The following ITGB1 variants were observed in gnomAD, a reference collection of about 807,000 sequenced individuals.
ITGB1 encodes the protein integrin subunit beta 1.
Under a neutral mutation model 86.5 loss-of-function variants are expected in ITGB1, and 24 were observed. The ratio of observed to expected loss-of-function variants is 0.28; its 90% confidence interval spans 0.20 to 0.39. ITGB1 has a LOEUF of 0.39. Among genes scored for constraint, ITGB1 ranks in the 10% least tolerant of loss-of-function variants. The pLI, the probability that ITGB1 is intolerant of heterozygous loss-of-function variation, is 1.00. For missense variants in ITGB1, 556 were observed against 946.9 expected, an observed-to-expected ratio of 0.59 and a Z score of 5.42; for synonymous variants, 323 against 316.8, an observed-to-expected ratio of 1.02 and a Z score of -0.21.
At chr10:32,907,180 GAA>G (rs80132666) in intron 15 of ITGB1, 4 of 846,388 alleles carry the variant, frequency 4.7e-6, no homozygotes, top group South Asian at 2.9e-5. Flanking sequence ...GATTTCATCA[GAA>G]AAAAAAAATC....
At chr10:32,941,188 A>G (rs747454785) in intron 1 of ITGB1, among the ~76,000 whole-genome samples, 4 of 152,156 alleles carry the variant, frequency 2.6e-5, no homozygotes, top group Non-Finnish European at 4.4e-5. Flanking sequence ...AAAGCCATGA[A>G]GTCCCGAGGC....
intron 1 of ITGB1, among the ~76,000 whole-genome samples, chr10:32,948,563 G>A (rs1306010082): frequency 1.3e-5 from 2 of 152,126 alleles, no homozygotes; most frequent in Non-Finnish European, 2.9e-5. Context: ...CAACAGTGAT[G>A]AGAGGTGGGA....
Position 32,900,933 on chromosome 10 carries a change from CT to C in ITGB1, c.*636del, listed in dbSNP as rs2094880293. On this transcript the variant is annotated 3_prime_UTR_variant, in exon 16 of 16. Transcript: ENST00000302278. ...ATAAAAGTTACCAAACATTAAGTAA[CT>C]CTTAAAATGGCACACAGGTTTTAAA... is the stretch of plus-strand genomic sequence containing the variant. The C allele has an allele frequency of 6.7e-6, 1 of 149,070 alleles. No homozygotes were observed. Among genetic ancestry groups the C allele is most frequent in the Non-Finnish European group, 1.5e-5 (1 of 66,826 alleles). The allele number at this position is 149,070 out of a possible 1,614,324, so 9.2% of individuals were successfully genotyped here.
chr10:32,911,330 C>A (rs2094912554), intron 13 of ITGB1, 118 bp downstream of exon 13: 1 of 818,988 alleles, frequency 1.2e-6, no homozygotes, highest in Admixed American at 2.4e-5. Context: ...TTCCACATGG[C>A]AGGCATTTTA....
At chr10:32,933,981 C>T (rs1198326334) in intron 2 of ITGB1, among the ~76,000 whole-genome samples, 2 of 152,120 alleles carry the variant, frequency 1.3e-5, no homozygotes, top group South Asian at 2.1e-4. Flanking sequence ...CACATATAAA[C>T]ACCCCAAGTA....
chr10:32,940,070 G>A (rs1328598810), intron 1 of ITGB1, among the ~76,000 whole-genome samples: 1 of 152,124 alleles, frequency 6.6e-6, no homozygotes, highest in Non-Finnish European at 1.5e-5. Flanking sequence ...AACAGGCTGG[G>A]GGCGGTGGCT....
At chr10:32,903,600 C>G (rs1394135995) in intron 15 of ITGB1, among the ~76,000 whole-genome samples, 1 of 152,052 alleles carries the variant, frequency 6.6e-6, no homozygotes, top group Non-Finnish European at 1.5e-5. Context: ...GACAACATAC[C>G]TCAGCCCTCA....
intron 1 of ITGB1, among the ~76,000 whole-genome samples, chr10:32,948,209 C>T (rs2095035795): frequency 6.6e-6 from 1 of 152,132 alleles, no homozygotes; most frequent in African/African-American, 2.4e-5. Flanking sequence ...ATAGATTCCA[C>T]ATCCAAGTAG....
intron 11 of ITGB1, among the ~76,000 whole-genome samples, chr10:32,915,694 T>A (rs985631570): frequency 6.6e-5 from 10 of 151,928 alleles, no homozygotes; most frequent in Admixed American, 5.2e-4. Context: ...CCAAAAAAAG[T>A]CCAAGACCAG....
chr10:32,916,080 T>C (rs190501727), intron 11 of ITGB1, among the ~76,000 whole-genome samples: 1 of 152,320 alleles, frequency 6.6e-6, no homozygotes, highest in Admixed American at 6.5e-5. Flanking sequence ...TCTCAATAAA[T>C]GCAGAAAAGG....
intron 1 of ITGB1, among the ~76,000 whole-genome samples, chr10:32,955,109 T>C (rs1476446722): frequency 3.3e-5 from 5 of 152,162 alleles, no homozygotes; most frequent in East Asian, 1.9e-4. Flanking sequence ...TCCACAGCTA[T>C]AGATACCTCT....
chr10:32,914,856 A>C lies in ITGB1; in HGVS notation c.1470-2732T>G, dbSNP rs181209482. 2.4e-3 allele frequency among the ~76,000 whole-genome samples: 359 copies of C among 152,284 alleles called. 2 individuals are homozygous for C. Among genetic ancestry groups the C allele is most frequent in the African/African-American group, 8.2e-3 (341 of 41,554 alleles). The stretch of plus-strand genomic sequence containing the variant: ...GAACTCTCCATCCCAAAACAACAGA[A>C]TATACATTCTTCTCAGCCCCACACC... On this transcript the variant is annotated intron_variant, in intron 11 of 15. Transcript: ENST00000302278.
At chr10:32,942,139 T>C (rs1430638496) in intron 1 of ITGB1, among the ~76,000 whole-genome samples, 1 of 151,968 alleles carries the variant, frequency 6.6e-6, no homozygotes, top group East Asian at 1.9e-4. Context: ...AAAAGGAAAG[T>C]GATGAAGCCA....
chr10:32,913,612 GA>G (rs925714940), intron 11 of ITGB1, among the ~76,000 whole-genome samples: 3 of 151,602 alleles, frequency 2.0e-5, no homozygotes, highest in Non-Finnish European at 4.4e-5. Context: ...GAAGTTTAGA[GA>G]AAAAAAAGAG....
rs139853740 is a variant in ITGB1, at chr10:32,929,965, T to G, written c.233A>C (p.Asp78Ala). 2 of 1,301,354 alleles carry G rather than the reference T, an allele frequency of 1.5e-6. No homozygotes were observed. The highest frequency in any genetic ancestry group is 1.2e-5 in the South Asian group (1 of 84,880). 80.6% of individuals were successfully genotyped at this position (1,301,354 alleles called of 1,614,324 possible). Reference protein sequence around the residue: ...EALKKKGCPPDDIENPRGSKD... With the variant: ...EALKKKGCPPADIENPRGSKD... Reference sequence around the variant, plus strand: ...GGAGCCTCTGGGATTTTCTATGTCATCTGGAGGGCAACCCTTCTTTTTTAA... The same window carrying G: ...GGAGCCTCTGGGATTTTCTATGTCAGCTGGAGGGCAACCCTTCTTTTTTAA... The change falls in exon 4 of 16, where the codon GAT (aspartate) becomes GCT (alanine). Residue 78 changes from aspartate to alanine, a missense_variant. Coordinates refer to ENST00000302278, the MANE Select transcript of ITGB1 (RefSeq NM_002211.4).
intron 11 of ITGB1, among the ~76,000 whole-genome samples, chr10:32,914,583 G>A (rs1412811777): frequency 6.6e-6 from 1 of 152,106 alleles, no homozygotes; most frequent in Non-Finnish European, 1.5e-5. Flanking sequence ...ATTACATAAT[G>A]GTAAAGGGAT....
intron 1 of ITGB1, among the ~76,000 whole-genome samples, chr10:32,947,362 T>C (rs544587761): frequency 1.3e-4 from 19 of 151,614 alleles, no homozygotes; most frequent in African/African-American, 3.6e-4. Context: ...GCATGAACTC[T>C]TGAAGCCCTC....
intron 12 of ITGB1, 101 bp downstream of exon 12, chr10:32,911,785 C>A (rs2094914276): frequency 7.0e-7 from 1 of 1,420,932 alleles, no homozygotes; most frequent in Non-Finnish European, 9.8e-7. Context: ...GAGACTGACC[C>A]TCAAGCTACC....
At chr10:32,910,174 C>G in intron 14 of ITGB1, 49 bp downstream of exon 14, 1 of 1,384,702 alleles carries the variant, frequency 7.2e-7, no homozygotes, top group South Asian at 1.2e-5. Context: ...TAAGCAGAAA[C>G]AAGACATACA....
Sources: gnomAD v4.1 joint callset for allele counts (sites outside exome capture counted in the v4.1 genomes callset) on GRCh38, gnomAD v4.1.1 for gene constraint, MANE v1.5 for transcripts, NCBI Gene and HGNC (gene_info 2026-07-23, HGNC 2026-07-21) for gene names.